Variants in DGKB observed in about 807,000 individuals in gnomAD.
The protein encoded by DGKB is diacylglycerol kinase beta.
Under a neutral mutation model 114.3 loss-of-function variants are expected in DGKB, and 67 were observed. The observed-to-expected ratio is 0.59, with a 90% CI of 0.48 to 0.72. DGKB has a LOEUF of 0.72. DGKB is among the 30% of genes least tolerant of loss of function. The pLI, the probability that DGKB is intolerant of heterozygous loss-of-function variation, is 0.00. For missense variants in DGKB, 907 were observed against 975.2 expected (o/e 0.93, Z 0.93); for synonymous variants, 398 against 323.1 (o/e 1.23, Z -2.49).
At chr7:14,406,930 G>C (rs1190649055) in intron 21 of DGKB, among the ~76,000 whole-genome samples, 1 of 152,070 alleles carries the variant, frequency 6.6e-6, no homozygotes, top group African/African-American at 2.4e-5. Context: ...AGAACAGATT[G>C]GTTGAGAATA....
intron 19 of DGKB, among the ~76,000 whole-genome samples, chr7:14,580,107 C>A (rs1159558069): frequency 6.6e-6 from 1 of 152,146 alleles, no homozygotes; most frequent in African/African-American, 2.4e-5. Context: ...TCTTTGCTTA[C>A]CCTACTCCAT....
chr7:14,640,892 G>C (rs1811648579), intron 13 of DGKB, among the ~76,000 whole-genome samples: 1 of 152,178 alleles, frequency 6.6e-6, no homozygotes, highest in African/African-American at 2.4e-5. Context: ...TGGTGGTTAA[G>C]AATGTCTGGT....
At chr7:14,569,663 T>A (rs1436994638) in intron 20 of DGKB, among the ~76,000 whole-genome samples, 1 of 152,144 alleles carries the variant, frequency 6.6e-6, no homozygotes, top group Non-Finnish European at 1.5e-5. Context: ...AATTGTAGCA[T>A]GTATAATTTA....
At chr7:14,656,556 T>C (rs1815836239) in intron 13 of DGKB, among the ~76,000 whole-genome samples, 1 of 151,592 alleles carries the variant, frequency 6.6e-6, no homozygotes, top group Admixed American at 6.6e-5. Flanking sequence ...TGTTCATATA[T>C]TAAACTAAAA....
At chr7:14,689,196 C>CTTTTTTTTTT (rs1554599070) in intron 9 of DGKB, among the ~76,000 whole-genome samples, 149 of 80,134 alleles carry the variant, frequency 1.9e-3, no homozygotes, top group Middle Eastern at 5.8e-3. Context: ...AGAAACTCCT[C>CTTTTTTTTTT]TTATTTTTTT....
At chr7:14,810,649 G>A (rs1435614363) in intron 2 of DGKB, among the ~76,000 whole-genome samples, 4 of 151,938 alleles carry the variant, frequency 2.6e-5, no homozygotes, top group Non-Finnish European at 5.9e-5. Flanking sequence ...GCCTGCTGAA[G>A]TGCAGTGGCA....
intron 1 of DGKB, among the ~76,000 whole-genome samples, chr7:14,936,664 C>T (rs186698477): frequency 5.9e-5 from 9 of 152,196 alleles, no homozygotes; most frequent in East Asian, 1.9e-4. Flanking sequence ...GGCCTGTTTG[C>T]GGGCTCGGCA....
chr7:14,295,826 A>C (rs1462761799), intron 23 of DGKB, among the ~76,000 whole-genome samples: 3 of 151,962 alleles, frequency 2.0e-5, no homozygotes, highest in Non-Finnish European at 4.4e-5. Context: ...ATCTACATTA[A>C]GTATTTCTTC....
chr7:14,567,301 AT>A (rs1797621755), intron 20 of DGKB, among the ~76,000 whole-genome samples: 1 of 44,282 alleles, frequency 2.3e-5, no homozygotes, highest in African/African-American at 9.7e-5. Context: ...ATATATTTAT[AT>A]ATTATATATA....
intron 5 of DGKB, among the ~76,000 whole-genome samples, chr7:14,722,791 G>A (rs1027420297): frequency 5.3e-5 from 8 of 151,940 alleles, no homozygotes; most frequent in South Asian, 4.2e-4. Context: ...CAGCCTGGGC[G>A]GCAGAGTGAA....
intron 23 of DGKB, among the ~76,000 whole-genome samples, chr7:14,195,842 C>A (rs567163402): frequency 3.3e-5 from 5 of 151,982 alleles, no homozygotes; most frequent in Non-Finnish European, 7.4e-5. Context: ...TCCAATTTAC[C>A]CTGGTTGCAT....
At chr7:14,799,138 A>C in intron 2 of DGKB, among the ~76,000 whole-genome samples, 1 of 152,242 alleles carries the variant, frequency 6.6e-6, no homozygotes, top group Non-Finnish European at 1.5e-5. Context: ...CATCGGTACC[A>C]GATGTGGTTT....
At chr7:14,835,608 A>C (rs1389406181) in intron 2 of DGKB, among the ~76,000 whole-genome samples, 1 of 152,208 alleles carries the variant, frequency 6.6e-6, no homozygotes, top group Non-Finnish European at 1.5e-5. Context: ...TAATCTCAGC[A>C]TGACAAACGG....
Position 14,178,153 on chromosome 7 carries a change from TGAAA to T in DGKB, c.2123-6_2123-3del. ...CCTCCAGCAGCTGGTCACTGAGATC[TGAAA>T]GAAAGTAGATGCCTTTTAAGTTGCA... On this transcript the variant is annotated splice_region_variant and splice_polypyrimidine_tract_variant and intron_variant, in intron 23 of 25. Coordinates refer to ENST00000402815, the MANE Select transcript of DGKB (RefSeq NM_001350709.2). 2 of 1,613,410 alleles carry T rather than the reference TGAAA, an allele frequency of 1.2e-6. No individual in the cohort carries two copies. The highest frequency in any genetic ancestry group is 4.5e-5 in the East Asian group (2 of 44,824).
chr7:14,859,634 T>G (rs1206808262), intron 1 of DGKB, among the ~76,000 whole-genome samples: 3 of 152,122 alleles, frequency 2.0e-5, no homozygotes, highest in African/African-American at 7.2e-5. Flanking sequence ...GTTGTTGGAA[T>G]TCACAAATTT....
chr7:14,822,300 T>C (rs2128104414), intron 2 of DGKB, among the ~76,000 whole-genome samples: 1 of 152,164 alleles, frequency 6.6e-6, no homozygotes, highest in East Asian at 1.9e-4. Context: ...ACAGAGGAAA[T>C]GAAAGTTAAG....
intron 1 of DGKB, among the ~76,000 whole-genome samples, chr7:14,912,049 C>T (rs573785709): frequency 7.2e-5 from 11 of 152,140 alleles, no homozygotes; most frequent in Non-Finnish European, 1.0e-4. Context: ...CGCCCTTCTT[C>T]TGGTAACAAA....
intron 23 of DGKB, among the ~76,000 whole-genome samples, chr7:14,228,571 C>A (rs921012549): frequency 4.6e-5 from 7 of 151,918 alleles, no homozygotes; most frequent in South Asian, 2.1e-4. Context: ...CACAGTACAG[C>A]GCTACACTGG....
chr7:14,279,040 G>T (rs1012920795), intron 23 of DGKB, among the ~76,000 whole-genome samples: 1 of 152,192 alleles, frequency 6.6e-6, no homozygotes, highest in African/African-American at 2.4e-5. Flanking sequence ...TGAGCGAGCC[G>T]AAGCAGGGCG....
Sources: gnomAD v4.1 joint callset for allele counts (sites outside exome capture counted in the v4.1 genomes callset) on GRCh38, gnomAD v4.1.1 for gene constraint, MANE v1.5 for transcripts, NCBI Gene and HGNC (gene_info 2026-07-23, HGNC 2026-07-21) for gene names.